Variants in PDCD6IP observed in about 807,000 individuals in gnomAD.
PDCD6IP encodes programmed cell death 6 interacting protein.
Under a neutral mutation model 103.7 loss-of-function variants are expected in PDCD6IP, and 43 were observed. That is an observed-to-expected ratio of 0.41 (90% CI 0.32 to 0.53). The LOEUF (loss-of-function observed/expected upper bound fraction) is 0.53, where lower values mean the gene tolerates loss of function less well. Among genes scored for constraint, PDCD6IP ranks in the 20% least tolerant of loss-of-function variants. PDCD6IP has a pLI of 0.16. For missense variants in PDCD6IP, 871 were observed against 1,036.7 expected, an observed-to-expected ratio of 0.84 and a Z score of 2.20; for synonymous variants, 354 against 378.7, an observed-to-expected ratio of 0.93 and a Z score of 0.76.
chr3:33,814,227 C>G (rs558141504), intron 3 of PDCD6IP, among the ~76,000 whole-genome samples: 1 of 151,508 alleles, frequency 6.6e-6, no homozygotes, highest in African/African-American at 2.4e-5. Flanking sequence ...TCACTGCAAC[C>G]TCTGCCTACT....
At chr3:33,856,406 A>G (rs9834071) in intron 15 of PDCD6IP, among the ~76,000 whole-genome samples, 44,794 of 152,012 alleles carry the variant, frequency 0.29, 6,853 homozygotes, top group East Asian at 0.41. Context: ...AATAAACACT[A>G]AAGAACACAC....
intron 9 of PDCD6IP, 134 bp from the exon 10 acceptor site, chr3:33,841,763 C>T: frequency 4.8e-6 from 3 of 630,052 alleles, no homozygotes; most frequent in Middle Eastern, 4.7e-4. Flanking sequence ...ATTGATAGGG[C>T]TTATCCAGTT....
chr3:33,864,593 G>A (rs911178246), intron 16 of PDCD6IP, among the ~76,000 whole-genome samples: 1 of 152,120 alleles, frequency 6.6e-6, no homozygotes, highest in Non-Finnish European at 1.5e-5. Context: ...AGCTATATGA[G>A]CTTTTTTGTG....
At chr3:33,866,217 T>C (rs1698061229) in intron 17 of PDCD6IP, 134 bp from the exon 18 acceptor site, 1 of 521,332 alleles carries the variant, frequency 1.9e-6, no homozygotes, top group Non-Finnish European at 3.2e-6. Context: ...GAAACAGTTT[T>C]TTTCACTCCA....
At chr3:33,859,359 AG>A (rs1426844137) in intron 15 of PDCD6IP, among the ~76,000 whole-genome samples, 1 of 152,198 alleles carries the variant, frequency 6.6e-6, no homozygotes, top group South Asian at 2.1e-4. Context: ...TTAAAAAAAA[AG>A]AAAAGAATAA....
intron 8 of PDCD6IP, among the ~76,000 whole-genome samples, chr3:33,837,747 C>T (rs763118701): frequency 6.6e-6 from 1 of 152,136 alleles, no homozygotes; most frequent in Admixed American, 6.5e-5. Context: ...TACCATTACA[C>T]TGGCTAATTT....
At chr3:33,799,172 G>A (rs1401980512) in intron 1 of PDCD6IP, 7 of 564,404 alleles carry the variant, frequency 1.2e-5, no homozygotes, top group Non-Finnish European at 1.9e-5. Flanking sequence ...TGGTCGGCGA[G>A]GGCTCCGTGG....
At chr3:33,815,051 A>G (rs529518144) in intron 3 of PDCD6IP, among the ~76,000 whole-genome samples, 1 of 148,714 alleles carries the variant, frequency 6.7e-6, no homozygotes, top group East Asian at 2.0e-4. Context: ...CTTCTAAGAT[A>G]TAGATGTATA....
At chr3:33,800,074 C>G (rs1339477795) in intron 1 of PDCD6IP, among the ~76,000 whole-genome samples, 1 of 140,452 alleles carries the variant, frequency 7.1e-6, no homozygotes, top group Non-Finnish European at 1.5e-5. Flanking sequence ...GAGCCGAGAT[C>G]GCGCCACTGC....
At chr3:33,836,021 G>GTTTTTGT in intron 7 of PDCD6IP, 23 bp from the exon 8 acceptor site, 1 of 1,063,326 alleles carries the variant, frequency 9.4e-7, no homozygotes, top group Non-Finnish European at 1.3e-6. Flanking sequence ...TTTTTTTTTT[G>GTTTTTGT]TTGTTGACGT....
intron 15 of PDCD6IP, among the ~76,000 whole-genome samples, chr3:33,858,506 T>A (rs1697878622): frequency 6.7e-6 from 1 of 150,262 alleles, no homozygotes; most frequent in Non-Finnish European, 1.5e-5. Flanking sequence ...ATAACAAACA[T>A]AAATAAAGAA....
rs1241858149 is a variant in PDCD6IP, at chr3:33,868,768, A to C, written c.*2243A>C. The C allele has an allele frequency of 6.6e-6, 1 of 152,214 alleles. No individual in the cohort carries two copies. The highest frequency in any genetic ancestry group is 1.9e-4 in the East Asian group (1 of 5,200). The allele number at this position is 152,214 out of a possible 1,614,324, so 9.4% of individuals were successfully genotyped here. Reference sequence around the variant, plus strand: ...AAATCAAGGAAAGGAAATCATCCCCAGACCATTTATGCTGAGCTTTGGAAT... The same window carrying C: ...AAATCAAGGAAAGGAAATCATCCCCCGACCATTTATGCTGAGCTTTGGAAT... On this transcript the variant is annotated 3_prime_UTR_variant, in exon 18 of 18. Coordinates refer to ENST00000307296, the MANE Select transcript of PDCD6IP (RefSeq NM_013374.6).
At chr3:33,833,386 C>T (rs866295282) in intron 7 of PDCD6IP, among the ~76,000 whole-genome samples, 1 of 151,934 alleles carries the variant, frequency 6.6e-6, no homozygotes, top group Admixed American at 6.6e-5. Flanking sequence ...GTAACAGCCT[C>T]CTCCTTCCCA....
intron 15 of PDCD6IP, among the ~76,000 whole-genome samples, chr3:33,863,278 G>A (rs950080527): frequency 2.0e-5 from 3 of 152,144 alleles, no homozygotes; most frequent in African/African-American, 7.2e-5. Flanking sequence ...ATTTCTTTGT[G>A]TTGGGAACAT....
chr3:33,808,160 A>G (rs1257893206), intron 1 of PDCD6IP, among the ~76,000 whole-genome samples: 2 of 152,274 alleles, frequency 1.3e-5, no homozygotes, highest in African/African-American at 2.4e-5. Flanking sequence ...AGAAAAGACA[A>G]TAAACATAAT....
At chr3:33,832,405 T>A (rs1697263259) in intron 7 of PDCD6IP, among the ~76,000 whole-genome samples, 1 of 152,214 alleles carries the variant, frequency 6.6e-6, no homozygotes, top group Non-Finnish European at 1.5e-5. Flanking sequence ...CACAGTCCCG[T>A]ACATAGCAGC....
At position 33,828,948 on chromosome 3, in the gene PDCD6IP, A is replaced by G; in HGVS notation, c.813A>G (p.Gly271=). 6.2e-7 allele frequency: 1 copy of G among 1,609,290 alleles called. No homozygotes were observed. Among genetic ancestry groups the G allele is most frequent in the South Asian group, 1.1e-5 (1 of 90,264 alleles). ...SILAKQQKKF[G]EEIARLQHAA... ...TGGCAAAACAGCAGAAGAAATTTGG[A>G]GAAGAAATTGCAAGGTTACAGGTGA... Residue 271 remains glycine (G), a synonymous_variant, in exon 7 of 18, where the codon GGA becomes GGG. Transcript: ENST00000307296.
At chr3:33,823,370 T>C (rs1381608972) in intron 4 of PDCD6IP, among the ~76,000 whole-genome samples, 2 of 152,252 alleles carry the variant, frequency 1.3e-5, no homozygotes, top group Non-Finnish European at 2.9e-5. Context: ...AAGGAAAATA[T>C]ACCGTAAGCA....
chr3:33,842,692 C>T (rs1697502074), intron 10 of PDCD6IP, among the ~76,000 whole-genome samples: 1 of 151,954 alleles, frequency 6.6e-6, no homozygotes, highest in Non-Finnish European at 1.5e-5. Context: ...TAGAAAGTTC[C>T]TGTATATTTT....
Sources: allele counts gnomAD v4.1 joint callset (sites outside exome capture counted in the v4.1 genomes callset), GRCh38; gene constraint gnomAD v4.1.1; transcripts MANE v1.5; gene names NCBI Gene and HGNC (gene_info 2026-07-23, HGNC 2026-07-21).